The following CEP43 variants were observed in gnomAD, a reference collection of about 807,000 sequenced individuals.
The protein encoded by CEP43 is centrosomal protein 43.
A neutral mutation model predicts 52.6 loss-of-function variants in CEP43; 36 were observed. The ratio of observed to expected loss-of-function variants is 0.68; its 90% CI spans 0.52 to 0.90. CEP43 has a LOEUF of 0.90. Among genes scored for constraint, CEP43 ranks in the 40% least tolerant of loss-of-function variants. The pLI, the probability that CEP43 is intolerant of heterozygous loss-of-function variation, is 0.00. For synonymous variants in CEP43, 192 were observed against 172.4 expected, an observed-to-expected ratio of 1.11 and a Z score of -0.89; for missense variants, 506 against 472.8, an observed-to-expected ratio of 1.07 and a Z score of -0.65.
chr6:167,006,259 G>A (rs957423751), intron 5 of CEP43, among the ~76,000 whole-genome samples: 1 of 152,248 alleles, frequency 6.6e-6, no homozygotes, highest in South Asian at 2.1e-4. Context: ...GCTCATGCCT[G>A]TAATCCCAGC....
At chr6:167,028,000 C>T in intron 10 of CEP43, 3 of 985,906 alleles carry the variant, frequency 3.0e-6, no homozygotes, top group Non-Finnish European at 3.6e-6. Flanking sequence ...CTAGGTGGGC[C>T]TGCCTCCTTT....
At chr6:167,018,807 A>G (rs1287213051) in intron 7 of CEP43, among the ~76,000 whole-genome samples, 2 of 152,218 alleles carry the variant, frequency 1.3e-5, no homozygotes, top group East Asian at 3.8e-4. Context: ...AAGTAACTGA[A>G]GTTTATGTAC....
rs12207538 is a variant in CEP43, at chr6:167,049,498, G to C, written c.*9520G>C. Reference sequence around the variant, plus strand: ...TTTTATGACTGGCTTCTTTCACTTAGCATAATGTTTTCAAGAGTCATCTGT... The same window carrying C: ...TTTTATGACTGGCTTCTTTCACTTACCATAATGTTTTCAAGAGTCATCTGT... On this transcript the variant is annotated 3_prime_UTR_variant, in exon 13 of 13. Transcript: ENST00000366847. 1 of 152,174 alleles carries C rather than the reference G, an allele frequency of 6.6e-6. No individual in the cohort carries two copies. Among genetic ancestry groups the C allele is most frequent in the Non-Finnish European group, 1.5e-5 (1 of 68,038 alleles). The allele number at this position is 152,174 out of a possible 1,614,324, so 9.4% of individuals were successfully genotyped here.
chr6:167,021,620 A>T (rs1478011393), intron 7 of CEP43, among the ~76,000 whole-genome samples: 1 of 152,214 alleles, frequency 6.6e-6, no homozygotes, highest in East Asian at 1.9e-4. Context: ...CTGAAAACAA[A>T]AAAGAAAAGT....
rs753811852 is a variant in CEP43 at position 167,052,687 on chromosome 6, T to A, written c.*12709T>A. The A allele has an allele frequency of 2.6e-5, 4 of 152,202 alleles. No individual in the cohort carries two copies. The highest frequency in any genetic ancestry group is 2.9e-5 in the Non-Finnish European group (2 of 68,044). 9.4% of individuals were successfully genotyped at this position (152,202 alleles called of 1,614,324 possible). A position where few individuals can be genotyped will look rare whatever the true frequency, so the allele number is the denominator to read the frequency against. On this transcript the variant is annotated 3_prime_UTR_variant, in exon 13 of 13. Coordinates refer to ENST00000366847, the MANE Select transcript of CEP43 (RefSeq NM_007045.4). ...GCCTACAGTCTGGGTTTTGTTCAGT[T>A]GAAATTAAATAAATTTTATGCACAA...
chr6:167,037,137 A>G (rs906955320), intron 12 of CEP43, among the ~76,000 whole-genome samples: 1 of 152,160 alleles, frequency 6.6e-6, no homozygotes, highest in African/African-American at 2.4e-5. Context: ...ATTTATTTCT[A>G]GTTAGCTTTT....
intron 7 of CEP43, among the ~76,000 whole-genome samples, chr6:167,013,954 C>G (rs890102855): frequency 6.6e-6 from 1 of 152,150 alleles, no homozygotes; most frequent in African/African-American, 2.4e-5. Context: ...GCATGGGTGA[C>G]AGAGTGAGAC....
intron 11 of CEP43, among the ~76,000 whole-genome samples, chr6:167,033,368 C>T (rs557386484): frequency 6.6e-6 from 1 of 152,192 alleles, no homozygotes; most frequent in African/African-American, 2.4e-5. Flanking sequence ...CTGGGCCTCC[C>T]AAAGTGCTGG....
chr6:167,033,310 C>T (rs112227238), intron 11 of CEP43, among the ~76,000 whole-genome samples: 7,409 of 151,784 alleles, frequency 0.049, 629 homozygotes, highest in African/African-American at 0.17. Flanking sequence ...AGGGTTTTGT[C>T]GTGTTGGCCA....
At chr6:167,037,140 T>A (rs1430178304) in intron 12 of CEP43, among the ~76,000 whole-genome samples, 1 of 152,228 alleles carries the variant, frequency 6.6e-6, no homozygotes, top group Non-Finnish European at 1.5e-5. Context: ...TATTTCTAGT[T>A]AGCTTTTGTT....
At chr6:167,011,165 T>A (rs1276030480) in intron 6 of CEP43, among the ~76,000 whole-genome samples, 1 of 152,218 alleles carries the variant, frequency 6.6e-6, no homozygotes, top group African/African-American at 2.4e-5. Context: ...ACTTCGGACA[T>A]TTTCTCCTAT....
At chr6:167,030,251 C>T (rs538619940) in intron 10 of CEP43, among the ~76,000 whole-genome samples, 2 of 152,344 alleles carry the variant, frequency 1.3e-5, no homozygotes, top group East Asian at 3.9e-4. Flanking sequence ...GCTGTCTCAG[C>T]TCAGTGTCCA....
chr6:167,004,349 T>G lies in CEP43; in HGVS notation c.386T>G (p.Leu129Ter). The G allele has an allele frequency of 6.2e-7, 1 of 1,611,578 alleles. No homozygotes were observed. Among genetic ancestry groups the G allele is most frequent in the South Asian group, 1.1e-5 (1 of 90,656 alleles). ...GGTACTGTGGGTGGACCCTTATTAT[T>G]AGAAGTGATCAGGCGCTGTCAACAG... is the stretch of plus-strand genomic sequence containing the variant. ...AEGTVGGPLLLEVIRRCQQKE... is the reference protein window; with the variant it reads ...AEGTVGGPLL The change falls in exon 5 of 13, where the codon TTA becomes TGA. Residue 129 changes from leucine to a stop codon, truncating the protein, a stop_gained. Transcript: ENST00000366847. LOFTEE classifies it high-confidence loss of function.
intron 7 of CEP43, among the ~76,000 whole-genome samples, chr6:167,021,980 T>G (rs1780243109): frequency 6.6e-6 from 1 of 152,282 alleles, no homozygotes; most frequent in South Asian, 2.1e-4. Context: ...ATAATAATGA[T>G]CTCTCCTGAT....
chr6:167,022,042 G>T (rs902226058), intron 7 of CEP43, among the ~76,000 whole-genome samples: 2 of 152,166 alleles, frequency 1.3e-5, no homozygotes, highest in Admixed American at 1.3e-4. Context: ...AATGACATAT[G>T]GAAGAGGAGA....
intron 1 of CEP43, 92 bp downstream of exon 1, chr6:166,999,606 C>T (rs1018341440): frequency 2.4e-5 from 23 of 958,518 alleles, no homozygotes; most frequent in African/African-American, 1.6e-4. Flanking sequence ...AGGCCGCCTC[C>T]CTGGCGAGGG....
chr6:167,035,717 C>T (rs1027275518), intron 12 of CEP43, among the ~76,000 whole-genome samples: 5 of 152,096 alleles, frequency 3.3e-5, no homozygotes, highest in African/African-American at 4.8e-5. Flanking sequence ...CAGGCGCCTG[C>T]CACCACGCCC....
intron 11 of CEP43, 45 bp downstream of exon 11, chr6:167,032,687 G>T: frequency 1.4e-6 from 2 of 1,472,170 alleles, no homozygotes; most frequent in Middle Eastern, 1.8e-4. Flanking sequence ...TACGTTATTT[G>T]TAAACAATTT....
In CEP43 at chr6:167,033,971, G is replaced by A. The variant is rs773299711; in HGVS notation, c.1125G>A (p.Lys375=). 6.9e-7 allele frequency: 1 copy of A among 1,450,676 alleles called. No homozygotes were observed. The highest frequency in any genetic ancestry group is 1.9e-5 in the Admixed American group (1 of 52,128). 89.9% of individuals were successfully genotyped at this position (1,450,676 alleles called of 1,614,324 possible). Residue 375 remains lysine, a splice_region_variant and synonymous_variant, in exon 12 of 13, where the codon AAG becomes AAA. Transcript: ENST00000366847. ...TAGATGACATCAATACCAGTGATAA[G>A]GTATGGTGTTCTGCATTTCCCATAG... ...VEIDDINTSD[K]LDDLTQDLTV...
Sources: allele counts gnomAD v4.1 joint callset (sites outside exome capture counted in the v4.1 genomes callset), GRCh38; gene constraint gnomAD v4.1.1; transcripts MANE v1.5; gene names NCBI Gene and HGNC (gene_info 2026-07-23, HGNC 2026-07-21).